The following IQCH variants were observed in gnomAD, a reference collection of about 807,000 sequenced individuals.
IQCH encodes IQ domain-containing protein H.
Under a neutral mutation model 117.0 loss-of-function variants are expected in IQCH, and 98 were observed. That is an observed-to-expected ratio of 0.84 (90% CI 0.71 to 0.99). The LOEUF (loss-of-function observed/expected upper bound fraction) is 0.99. Among genes scored for constraint, IQCH ranks in the 50% least tolerant of loss-of-function variants. IQCH has a pLI of 0.00. For synonymous variants in IQCH, 412 were observed against 448.2 expected, an observed-to-expected ratio of 0.92 and a Z score of 1.02; for missense variants, 1,102 against 1,243.8, an observed-to-expected ratio of 0.89 and a Z score of 1.72.
chr15:67,421,735 C>A (rs979942068), intron 16 of IQCH, among the ~76,000 whole-genome samples, 158 bp downstream of exon 16: 7 of 152,212 alleles, frequency 4.6e-5, no homozygotes, highest in African/African-American at 1.7e-4. Flanking sequence ...CATGCGAATC[C>A]AAGTGGGACC....
At chr15:67,428,130 AC>A (rs769797886) in intron 16 of IQCH, among the ~76,000 whole-genome samples, 29 of 152,274 alleles carry the variant, frequency 1.9e-4, no homozygotes, top group Middle Eastern at 6.8e-3. Context: ...CTGATCTCCA[AC>A]TATAGAGAAT....
At position 67,365,654 on chromosome 15, in the gene IQCH, G is replaced by T. The variant is rs1361211723; in HGVS notation, c.753+5769G>T. Among the ~76,000 whole-genome samples the T allele has an allele frequency of 6.6e-6, 1 of 152,186 alleles. No homozygotes were observed. The highest frequency in any genetic ancestry group is 6.5e-5 in the Admixed American group (1 of 15,278). On this transcript the variant is annotated intron_variant, in intron 8 of 20. Transcript: ENST00000335894. This position sits in a 1 kb window ranked among gnomAD's most constrained non-coding sequence, Gnocchi z 4.4. ...ATACATATGTAGGTATAGAAGCCAC[G>T]CACGGTGGCTCACGCCTGTAATCCC...
intron 7 of IQCH, among the ~76,000 whole-genome samples, chr15:67,358,157 C>A (rs1567124221): frequency 1.9e-5 from 1 of 52,974 alleles, no homozygotes; most frequent in East Asian, 5.6e-4. Flanking sequence ...CCACGCCTGG[C>A]CTTTTTTTTT....
At position 67,339,723 on chromosome 15, in the gene IQCH, A is replaced by G. The variant is rs538695745; in HGVS notation, c.508+2628A>G. Among the ~76,000 whole-genome samples the G allele has an allele frequency of 4.6e-5, 7 of 152,304 alleles. No homozygotes were observed. The East Asian group carries it at 9.6e-4, about 21-fold the overall frequency. On this transcript the variant is annotated intron_variant, in intron 5 of 20. Transcript: ENST00000335894. ...CTCCCCTTTTGACGAAAACAATCTC[A>G]AAAACCAAAAATTCACAGAATAAGG...
rs2083330224 is a variant in IQCH, at chr15:67,481,250, A to G, written c.2799+5432A>G. Among the ~76,000 whole-genome samples, 1 of 152,230 alleles carries G rather than the reference A, an allele frequency of 6.6e-6. No individual in the cohort carries two copies. Among genetic ancestry groups the G allele is most frequent in the Non-Finnish European group, 1.5e-5 (1 of 68,046 alleles). ...CCCAAGACTGGGTAATTTATAAAAG[A>G]AAGAGGTTTAATTGACTCCCAGTTC... On this transcript the variant is annotated intron_variant, in intron 18 of 20. Coordinates refer to ENST00000335894, the MANE Select transcript of IQCH (RefSeq NM_001031715.3). This position sits in a 1 kb window ranked among gnomAD's most constrained non-coding sequence, Gnocchi z 4.1.
At chr15:67,296,702 T>A (rs1001623855) in intron 4 of IQCH, among the ~76,000 whole-genome samples, 7 of 152,146 alleles carry the variant, frequency 4.6e-5, no homozygotes, top group African/African-American at 1.7e-4. Flanking sequence ...TAACATTTCT[T>A]TATAATGTGG....
At position 67,457,825 on chromosome 15, in the gene IQCH, C is replaced by T. The variant is rs545937986; in HGVS notation, c.2506-7302C>T. On this transcript the variant is annotated intron_variant, in intron 16 of 20. Transcript: ENST00000335894. The surrounding 1 kb of genome is among the most constrained non-coding windows in gnomAD (Gnocchi z 5.7). The stretch of plus-strand genomic sequence containing the variant: ...AAAGCCATCCACCTCTCCCAAGCCA[C>T]GGTCCCCTCCAATCCCATTACTCTC... Among the ~76,000 whole-genome samples, 30 of 152,312 alleles carry T rather than the reference C, an allele frequency of 2.0e-4. No homozygotes were observed. Among genetic ancestry groups the T allele is most frequent in the Middle Eastern group, 6.8e-3 (2 of 294 alleles).
chr15:67,448,807 A>T (rs1201661462), intron 16 of IQCH, among the ~76,000 whole-genome samples: 1 of 152,118 alleles, frequency 6.6e-6, no homozygotes, highest in African/African-American at 2.4e-5. Context: ...CGCCACACTG[A>T]CTTCCACAAT....
In IQCH at chr15:67,403,898, GT is replaced by G. The variant is rs1216260825; in HGVS notation, c.2097+3594del. The G allele has an allele frequency of 6.6e-6, 1 of 152,180 alleles. No homozygotes were observed. Among genetic ancestry groups the G allele is most frequent in the Non-Finnish European group, 1.5e-5 (1 of 68,042 alleles). The allele number at this position is 152,180 out of a possible 1,614,324, so 9.4% of individuals were successfully genotyped here. A position where few individuals can be genotyped will look rare whatever the true frequency, so the allele number is the denominator to read the frequency against. On this transcript the variant is annotated intron_variant, in intron 14 of 20. Transcript: ENST00000335894. The surrounding 1 kb of genome is among the most constrained non-coding windows in gnomAD (Gnocchi z 4.8). Reference sequence around the variant, plus strand: ...AAGAGATCTTTGTAGAACAATTTCTGTGTGTAAAGAACTAAGCCAGTTTACT... The same window carrying G: ...AAGAGATCTTTGTAGAACAATTTCTGGTGTAAAGAACTAAGCCAGTTTACT...
At chr15:67,489,966 A>C (rs753186427) in intron 18 of IQCH, 37 bp from the exon 19 acceptor site, 8 of 1,367,038 alleles carry the variant, frequency 5.9e-6, no homozygotes, top group Middle Eastern at 1.8e-4. Context: ...TTCTGAGATA[A>C]TATACTATTT....
chr15:67,303,254 G>A (rs760577920), intron 4 of IQCH, among the ~76,000 whole-genome samples: 6 of 152,250 alleles, frequency 3.9e-5, no homozygotes, highest in South Asian at 2.1e-4. Flanking sequence ...GAGACAGAAA[G>A]TAGATTACTG....
intron 12 of IQCH, among the ~76,000 whole-genome samples, chr15:67,392,350 G>C (rs1971313312): frequency 6.6e-6 from 1 of 152,170 alleles, no homozygotes; most frequent in African/African-American, 2.4e-5. Context: ...ATGGGAAAAA[G>C]AAAAGAGTGA....
rs922442779 is a variant in IQCH, at chr15:67,496,814, C to G, written c.2970+2448C>G. ...CTGGTGGATCATGAGGTCAGGAGAT[C>G]GAGACCATCCTGGCTAACAAGGTGA... On this transcript the variant is annotated intron_variant, in intron 20 of 20. Transcript: ENST00000335894. This position sits in a 1 kb window ranked among gnomAD's most constrained non-coding sequence, Gnocchi z 4.4. 6.6e-6 allele frequency among the ~76,000 whole-genome samples: 1 copy of G among 150,722 alleles called. No homozygotes were observed. Among genetic ancestry groups the G allele is most frequent in the Non-Finnish European group, 1.5e-5 (1 of 67,734 alleles).
At chr15:67,322,121 T>C (rs966638738) in intron 4 of IQCH, among the ~76,000 whole-genome samples, 10 of 152,252 alleles carry the variant, frequency 6.6e-5, no homozygotes, top group Non-Finnish European at 1.5e-4. Flanking sequence ...ATTTTTGTTT[T>C]ACATATTTTG....
In IQCH at chr15:67,491,286, G is replaced by A. The variant is rs1280987668; in HGVS notation, c.2861+1222G>A. The stretch of plus-strand genomic sequence containing the variant: ...TACAAGCAAATGGCTGCATAGGACA[G>A]GCCTCAACTTCCCTATCCAAAGCAT... On this transcript the variant is annotated intron_variant, in intron 19 of 20. Transcript: ENST00000335894. The surrounding 1 kb of genome is among the most constrained non-coding windows in gnomAD (Gnocchi z 4.9). Among the ~76,000 whole-genome samples the A allele has an allele frequency of 6.6e-6, 1 of 152,092 alleles. No individual in the cohort carries two copies. Among genetic ancestry groups the A allele is most frequent in the African/African-American group, 2.4e-5 (1 of 41,410 alleles).
intron 6 of IQCH, among the ~76,000 whole-genome samples, chr15:67,348,430 G>C (rs1969507196): frequency 6.6e-6 from 1 of 151,598 alleles, no homozygotes; most frequent in Non-Finnish European, 1.5e-5. Flanking sequence ...CAAGGTTTGA[G>C]GACACAAGAT....
At position 67,426,543 on chromosome 15, in the gene IQCH, A is replaced by G. The variant is rs2076656470; in HGVS notation, c.2505+4966A>G. Among the ~76,000 whole-genome samples the G allele has an allele frequency of 6.6e-6, 1 of 151,616 alleles. No individual in the cohort carries two copies. The highest frequency in any genetic ancestry group is 1.5e-5 in the Non-Finnish European group (1 of 67,900). ...TGGCCAAAATATATATAACTATTAC[A>G]TATCAATAAAAAATACCAAAAAAAA... On this transcript the variant is annotated intron_variant, in intron 16 of 20. Transcript: ENST00000335894. This position sits in a 1 kb window ranked among gnomAD's most constrained non-coding sequence, Gnocchi z 5.1.
rs1304820003 is a variant in IQCH at position 67,381,787 on chromosome 15, C to T, written c.1373-3149C>T. On this transcript the variant is annotated intron_variant, in intron 10 of 20. Coordinates refer to ENST00000335894, the MANE Select transcript of IQCH (RefSeq NM_001031715.3). This position sits in a 1 kb window ranked among gnomAD's most constrained non-coding sequence, Gnocchi z 5.1. ...CTTTAGCCCAGGAATTTGAGATCAG[C>T]CTGGGCAACATGGCGAAACCCTGGC... Among the ~76,000 whole-genome samples, 2 of 151,832 alleles carry T rather than the reference C, an allele frequency of 1.3e-5. No homozygotes were observed. Among genetic ancestry groups the T allele is most frequent in the East Asian group, 3.9e-4 (2 of 5,168 alleles).
At chr15:67,308,250 A>C (rs956735289) in intron 4 of IQCH, among the ~76,000 whole-genome samples, 1 of 152,030 alleles carries the variant, frequency 6.6e-6, no homozygotes, top group Non-Finnish European at 1.5e-5. Context: ...GTGGGTATTC[A>C]CTCAAGTTCT....
Sources: allele counts gnomAD v4.1 joint callset (sites outside exome capture counted in the v4.1 genomes callset), GRCh38; gene constraint gnomAD v4.1.1; non-coding constraint Gnocchi (gnomAD v3.1); transcripts MANE v1.5; gene names NCBI Gene and HGNC (gene_info 2026-07-23, HGNC 2026-07-21).